Variants in INTS3 observed in about 807,000 individuals in gnomAD.
INTS3 encodes the protein SOSS complex subunit A.
INTS3 carries 34 observed loss-of-function variants against 146.3 expected under a neutral mutation model. The ratio of observed to expected loss-of-function variants is 0.23; its 90% CI spans 0.18 to 0.31. The LOEUF (loss-of-function observed/expected upper bound fraction) is 0.31, where lower values mean the gene tolerates loss of function less well. Among genes scored for constraint, INTS3 ranks in the 10% least tolerant of loss-of-function variants. The pLI, the probability that INTS3 is intolerant of heterozygous loss-of-function variation, is 1.00. For synonymous variants in INTS3, 475 were observed against 494.9 expected (o/e 0.96, Z 0.53); for missense variants, 757 against 1,304.2 (o/e 0.58, Z 6.46).
chr1:153,767,671 C>T lies in INTS3; in HGVS notation c.2091-3C>T. ...GCTGGCTCAGGCCCAGCTGGTCTTG[C>T]AGCAAAGCCGCCGCAGGGAAGATGA... On this transcript the variant is annotated splice_polypyrimidine_tract_variant and splice_region_variant and intron_variant, in intron 20 of 29. Coordinates refer to ENST00000318967, the MANE Select transcript of INTS3 (RefSeq NM_023015.5). 1 of 1,575,502 alleles carries T rather than the reference C, an allele frequency of 6.3e-7. No homozygotes were observed. The highest frequency in any genetic ancestry group is 8.7e-7 in the Non-Finnish European group (1 of 1,155,112).
chr1:153,753,287 G>A (rs186714938), intron 8 of INTS3, among the ~76,000 whole-genome samples: 322 of 152,070 alleles, frequency 2.1e-3, no homozygotes, highest in African/African-American at 7.0e-3. Flanking sequence ...GGCCGGGCGC[G>A]GTGGCTCACA....
intron 14 of INTS3, 91 bp from the exon 15 acceptor site, chr1:153,762,637 C>T (rs1672427462): frequency 6.8e-7 from 1 of 1,475,626 alleles, no homozygotes. Flanking sequence ...CTTATTCTCT[C>T]ACTTGCCCTC....
At position 153,773,687 on chromosome 1, in the gene INTS3, G is replaced by A. The variant is rs994177314; in HGVS notation, c.*417G>A. The A allele has an allele frequency of 1.6e-4, 37 of 231,540 alleles. No homozygotes were observed. The East Asian group carries it at 3.2e-3, about 20-fold the overall frequency. The allele number at this position is 231,540 out of a possible 1,614,324, so 14.3% of individuals were successfully genotyped here. On this transcript the variant is annotated 3_prime_UTR_variant, in exon 30 of 30. Coordinates refer to ENST00000318967, the MANE Select transcript of INTS3 (RefSeq NM_023015.5). ...GATGAGAGCAGAGACTCAGTGTGTG[G>A]GTGTCCCTTCCTGCTTCCCCTTCAG...
At chr1:153,739,191 GT>G (rs1216677100) in intron 1 of INTS3, among the ~76,000 whole-genome samples, 1 of 152,184 alleles carries the variant, frequency 6.6e-6, no homozygotes, top group Non-Finnish European at 1.5e-5. Context: ...AGGCTCTCGA[GT>G]AGCTGGGACT....
chr1:153,731,740 C>T (rs1671069644), intron 1 of INTS3, among the ~76,000 whole-genome samples: 1 of 149,406 alleles, frequency 6.7e-6, no homozygotes, highest in Non-Finnish European at 1.5e-5. Flanking sequence ...CGCCTGCCAC[C>T]ACGCCCGGCT....
intron 25 of INTS3, 72 bp from the exon 26 acceptor site, chr1:153,771,724 A>G (rs1242583239): frequency 2.0e-6 from 3 of 1,474,714 alleles, no homozygotes; most frequent in Non-Finnish European, 2.8e-6. Context: ...GGCTTGGGAA[A>G]TAAGTGGGAG....
At chr1:153,747,870 G>A (rs1197642892) in intron 5 of INTS3, 2 of 163,464 alleles carry the variant, frequency 1.2e-5, no homozygotes, top group Admixed American at 5.7e-5. Flanking sequence ...TCTTGGCATC[G>A]GTGACATCTG....
rs1157118409 is a variant in INTS3, at chr1:153,761,550, TC to T, written c.1410-19del. On this transcript the variant is annotated intron_variant, in intron 13 of 29. Transcript: ENST00000318967. ...ATAAGAGAAGCTCTGATATTGACCT[TC>T]ATCATGTTCCCCATTTAGACACCTA... 7 of 1,539,984 alleles carry T rather than the reference TC, an allele frequency of 4.5e-6. No homozygotes were observed. Among genetic ancestry groups the T allele is most frequent in the Non-Finnish European group, 6.3e-6 (7 of 1,114,478 alleles).
intron 9 of INTS3, among the ~76,000 whole-genome samples, chr1:153,756,312 C>G (rs1204007239): frequency 6.6e-6 from 1 of 151,764 alleles, no homozygotes; most frequent in African/African-American, 2.4e-5. Flanking sequence ...TTACAGTGAG[C>G]TGAGATCGTG....
intron 10 of INTS3, 31 bp from the exon 11 acceptor site, chr1:153,759,495 T>C (rs1672294975): frequency 2.7e-6 from 4 of 1,456,830 alleles, no homozygotes. Flanking sequence ...TTGATGAAAC[T>C]AGCCCTCTGT....
At chr1:153,754,268 C>T (rs1048570555) in intron 8 of INTS3, among the ~76,000 whole-genome samples, 3 of 152,126 alleles carry the variant, frequency 2.0e-5, no homozygotes, top group African/African-American at 7.2e-5. Flanking sequence ...CATGCTCATG[C>T]CACAAATAAC....
chr1:153,747,103 CAAAG>C (rs1315510361), intron 4 of INTS3, 33 bp downstream of exon 4: 1 of 1,488,826 alleles, frequency 6.7e-7, no homozygotes, highest in African/African-American at 1.4e-5. Context: ...AGATCCAGCT[CAAAG>C]AGAGAGGATG....
intron 11 of INTS3, 57 bp downstream of exon 11, chr1:153,759,670 T>A: frequency 1.8e-6 from 2 of 1,086,574 alleles, no homozygotes; most frequent in Non-Finnish European, 2.8e-6. Context: ...CCCCACTGCC[T>A]TCCTTAGTGA....
At chr1:153,751,342 G>A (rs954236562) in intron 7 of INTS3, 103 bp downstream of exon 7, 107 of 1,166,058 alleles carry the variant, frequency 9.2e-5, no homozygotes, top group Non-Finnish European at 1.3e-4. Flanking sequence ...AGAGATGAAG[G>A]TGCATCAAGA....
At chr1:153,773,162 A>T in intron 29 of INTS3, 31 bp from the exon 30 acceptor site, 1 of 1,613,824 alleles carries the variant, frequency 6.2e-7, no homozygotes, top group Middle Eastern at 1.6e-4. Context: ...CCAGGCTGTT[A>T]ACTTCCCATT....
At chr1:153,729,088 C>T (rs533379997) in intron 1 of INTS3, among the ~76,000 whole-genome samples, 2 of 152,060 alleles carry the variant, frequency 1.3e-5, no homozygotes, top group African/African-American at 4.8e-5. Context: ...ACATACACAC[C>T]CCAGCTATTT....
chr1:153,763,290 T>C lies in INTS3; in HGVS notation c.1694T>C (p.Val565Ala). 2 of 1,614,130 alleles carry C rather than the reference T, an allele frequency of 1.2e-6. No homozygotes were observed. Among genetic ancestry groups the C allele is most frequent in the Admixed American group, 1.7e-5 (1 of 60,022 alleles). The change falls in exon 16 of 30, where the codon GTT becomes GCT. Residue 565 changes from valine to alanine, a missense_variant. Physicochemically the swap from Val to Ala is moderately conservative, Grantham distance 64. Around this residue, in one of 8 missense-constraint regions of INTS3, gnomAD observed 89 missense variants for 210.9 expected, o/e 0.42. Coordinates refer to ENST00000318967, the MANE Select transcript of INTS3 (RefSeq NM_023015.5). Reference protein sequence around the residue: ...PIKETVVEEPVDITPYLDQLD... With the variant: ...PIKETVVEEPADITPYLDQLD... ...AAGGAGACAGTTGTGGAGGAGCCAG[T>C]TGATATCACCCCTTACCTTGACCAG...
chr1:153,760,066 A>T, intron 11 of INTS3: 1 of 570,248 alleles, frequency 1.8e-6, no homozygotes. Flanking sequence ...TTTTATGGAG[A>T]TAGAAACAGA....
chr1:153,728,769 G>A lies in INTS3; in HGVS notation c.135G>A (p.Lys45=), dbSNP rs1670953426. The change falls in exon 1 of 30, where the codon AAG becomes AAA. Residue 45 remains lysine, a synonymous_variant. Coordinates refer to ENST00000318967, the MANE Select transcript of INTS3 (RefSeq NM_023015.5). ...RLLLSTSLDA[K]DELEERLERC... is the part of the protein sequence containing the mutation. Reference sequence around the variant, plus strand: ...TACTTTCAACCAGTTTGGATGCCAAGGATGAGTTAGAGGAGGTAGGTGTGG... The same window carrying A: ...TACTTTCAACCAGTTTGGATGCCAAAGATGAGTTAGAGGAGGTAGGTGTGG... 6 of 1,599,472 alleles carry A rather than the reference G, an allele frequency of 3.8e-6. No homozygotes were observed. The highest frequency in any genetic ancestry group is 3.3e-5 in the South Asian group (3 of 90,788).
Sources: gnomAD v4.1 joint callset for allele counts (sites outside exome capture counted in the v4.1 genomes callset) on GRCh38, gnomAD v4.1.1 for gene constraint, gnomAD v4.1.1 regional missense constraint, MANE v1.5 for transcripts, NCBI Gene and HGNC (gene_info 2026-07-23, HGNC 2026-07-21) for gene names.